The following CENPU variants were observed in gnomAD, a reference collection of about 807,000 sequenced individuals.
The protein encoded by CENPU is centromere protein U.
Under a neutral mutation model 56.7 loss-of-function variants are expected in CENPU, and 46 were observed. The ratio of observed to expected loss-of-function variants is 0.81; its 90% CI spans 0.64 to 1.04. The LOEUF is 1.04. Among genes scored for constraint, CENPU ranks in the 50% least tolerant of loss-of-function variants. The pLI is 0.00. For missense variants in CENPU, 510 were observed against 490.1 expected (o/e 1.04, Z -0.38); for synonymous variants, 166 against 163.0 (o/e 1.02, Z -0.14).
chr4:184,733,837 G>A (rs1414724894), intron 1 of CENPU, among the ~76,000 whole-genome samples, 179 bp downstream of exon 1: 1 of 152,224 alleles, frequency 6.6e-6, no homozygotes, highest in Non-Finnish European at 1.5e-5. Flanking sequence ...GGCCCGTGCA[G>A]GTGGGATCAC....
At chr4:184,723,807 C>T (rs895874151) in intron 4 of CENPU, among the ~76,000 whole-genome samples, 1 of 130,944 alleles carries the variant, frequency 7.6e-6, no homozygotes, top group Non-Finnish European at 1.5e-5. Context: ...TGCGCCACTG[C>T]ACTCCAGCCT....
At chr4:184,716,296 C>T in intron 6 of CENPU, 101 bp downstream of exon 6, 1 of 752,446 alleles carries the variant, frequency 1.3e-6, no homozygotes, top group South Asian at 1.8e-5. Context: ...TAAAATTTAT[C>T]TTTGAAAAGA....
chr4:184,722,069 T>A (rs4437299), intron 4 of CENPU, among the ~76,000 whole-genome samples: 27,145 of 152,108 alleles, frequency 0.18, 2,727 homozygotes, highest in African/African-American at 0.26. Flanking sequence ...TAAAACTAGA[T>A]ATCAATAACA....
intron 1 of CENPU, among the ~76,000 whole-genome samples, chr4:184,731,952 GT>G (rs1761664384): frequency 6.7e-6 from 1 of 149,144 alleles, no homozygotes. Context: ...ACTACAATAT[GT>G]CTTTCCTAAG....
chr4:184,727,116 C>CAAAAAAA (rs59124760), intron 3 of CENPU, among the ~76,000 whole-genome samples: 12,167 of 85,212 alleles, frequency 0.14, 442 homozygotes, highest in Middle Eastern at 0.21. Flanking sequence ...ACTTCGTCTC[C>CAAAAAAA]AAAAAAAAAA....
chr4:184,724,356 C>T (rs530269721), intron 4 of CENPU, among the ~76,000 whole-genome samples: 1 of 152,170 alleles, frequency 6.6e-6, no homozygotes, highest in East Asian at 1.9e-4. Flanking sequence ...GACCTGTTAC[C>T]CAACAGAGGT....
At chr4:184,695,851 C>T (rs547686872) in intron 12 of CENPU, among the ~76,000 whole-genome samples, 1 of 152,162 alleles carries the variant, frequency 6.6e-6, no homozygotes, top group East Asian at 1.9e-4. Context: ...CATAAAAGTT[C>T]TTAAGGAAAA....
chr4:184,697,295 C>T (rs1445177754), intron 12 of CENPU, among the ~76,000 whole-genome samples: 3 of 152,158 alleles, frequency 2.0e-5, no homozygotes, highest in African/African-American at 7.2e-5. Context: ...GCTGGTCTTT[C>T]GAACATGGCT....
intron 7 of CENPU, among the ~76,000 whole-genome samples, chr4:184,710,895 G>A (rs972282354): frequency 2.6e-5 from 4 of 151,944 alleles, no homozygotes; most frequent in Non-Finnish European, 5.9e-5. Flanking sequence ...TCACTCTGTT[G>A]CCCAAGCTGC....
chr4:184,710,965 C>A (rs1760902743), intron 7 of CENPU, among the ~76,000 whole-genome samples: 1 of 152,120 alleles, frequency 6.6e-6, no homozygotes, highest in African/African-American at 2.4e-5. Context: ...AAGTGATCCT[C>A]CCACCTCAGC....
rs1043002242 is a variant in CENPU, at chr4:184,734,091, G to A, written c.-29C>T. The A allele has an allele frequency of 1.9e-6, 3 of 1,541,826 alleles. No homozygotes were observed. In the Admixed American group the frequency reaches 5.9e-5, roughly 30 times the overall value. The stretch of plus-strand genomic sequence containing the variant: ...GCCGCTCTCCGCTCTCGAGCGACTG[G>A]AAGCTCCCGCCAAGCCCCTCGCCGC... On this transcript the variant is annotated 5_prime_UTR_variant, in exon 1 of 13. Transcript: ENST00000281453.
intron 1 of CENPU, chr4:184,733,359 G>A (rs142406104): frequency 9.1e-6 from 9 of 987,786 alleles, no homozygotes; most frequent in Non-Finnish European, 1.1e-5. Flanking sequence ...GATCGTCTTG[G>A]CGTATGGCTT....
At position 184,699,692 on chromosome 4, in the gene CENPU, ACT is replaced by A. The variant is rs935450821; in HGVS notation, c.986+1126_986+1127del. ...TCTTTTTTTTTTGAGACACAGTTTC[ACT>A]CTGTCACCCAGGCTGGAGTGCACTG... On this transcript the variant is annotated intron_variant, in intron 11 of 12. Transcript: ENST00000281453. The A allele has an allele frequency of 2.6e-5, 29 of 1,099,266 alleles. No homozygotes were observed. In the Admixed American group the frequency reaches 6.5e-4, roughly 24 times the overall value. The allele number at this position is 1,099,266 out of a possible 1,614,324, so 68.1% of individuals were successfully genotyped here. A position where few individuals can be genotyped will look rare whatever the true frequency, so the allele number is the denominator to read the frequency against.
In CENPU at chr4:184,694,921, C is replaced by A; in HGVS notation, c.*367G>T. 1 of 666,586 alleles carries A rather than the reference C, an allele frequency of 1.5e-6. No homozygotes were observed. Among genetic ancestry groups the A allele is most frequent in the Non-Finnish European group, 2.4e-6 (1 of 408,626 alleles). 41.3% of individuals were successfully genotyped at this position (666,586 alleles called of 1,614,324 possible). On this transcript the variant is annotated 3_prime_UTR_variant, in exon 13 of 13. Transcript: ENST00000281453. ...AATTTTTGTTTTTTACTTCTGTAAA[C>A]CAATTTCATTAAAAATTAGCTTTGG... is the stretch of plus-strand genomic sequence containing the variant.
intron 10 of CENPU, among the ~76,000 whole-genome samples, chr4:184,701,564 G>A (rs1760535998): frequency 6.6e-6 from 1 of 152,082 alleles, no homozygotes; most frequent in Admixed American, 6.5e-5. Context: ...TGGCTGGCTT[G>A]TCACCCACTG....
At position 184,724,990 on chromosome 4, in the gene CENPU, G is replaced by A; in HGVS notation, c.287C>T (p.Ser96Phe). 4 of 1,612,910 alleles carry A rather than the reference G, an allele frequency of 2.5e-6. No homozygotes were observed. Among genetic ancestry groups the A allele is most frequent in the Non-Finnish European group, 3.4e-6 (4 of 1,179,278 alleles). Residue 96 changes from serine (S) to phenylalanine (F), a missense_variant, in exon 4 of 13, where the codon TCT becomes TTT. Transcript: ENST00000281453. ...EFSKHCGLSL[S>F]STPPGKEAKR... is the part of the protein sequence containing the mutation. ...TGCTTCTTTTCCTGGAGGAGTTGAA[G>A]AGAGAGACAGTCCACAATGTTTGGA...
intron 10 of CENPU, 53 bp from the exon 11 acceptor site, chr4:184,700,934 G>A: frequency 7.2e-7 from 1 of 1,396,934 alleles, no homozygotes; most frequent in South Asian, 1.2e-5. Context: ...TTTGAGCACT[G>A]CCACATAAGC....
intron 3 of CENPU, among the ~76,000 whole-genome samples, chr4:184,725,362 G>C (rs1374802403): frequency 6.6e-6 from 1 of 152,196 alleles, no homozygotes; most frequent in East Asian, 1.9e-4. Flanking sequence ...CTGGAGTGCA[G>C]TAGTGCGATC....
chr4:184,726,539 G>C (rs558714325), intron 3 of CENPU, among the ~76,000 whole-genome samples: 17 of 152,306 alleles, frequency 1.1e-4, no homozygotes, highest in African/African-American at 4.1e-4. Context: ...AAACCCTTGG[G>C]CCCTGCTGGT....
Sources: gnomAD v4.1 joint callset for allele counts (sites outside exome capture counted in the v4.1 genomes callset) on GRCh38, gnomAD v4.1.1 for gene constraint, MANE v1.5 for transcripts, NCBI Gene and HGNC (gene_info 2026-07-23, HGNC 2026-07-21) for gene names.